DHX30: variants seen among roughly 807,000 people sequenced by gnomAD.
DHX30 encodes the protein ATP-dependent RNA helicase DHX30.
DHX30 carries 4 observed loss-of-function variants against 116.9 expected under a neutral mutation model. That is an observed-to-expected ratio of 0.03 (90% CI 0.02 to 0.08). The LOEUF is 0.08. DHX30 is among the 10% of genes least tolerant of loss of function. The pLI is 1.00. For synonymous variants in DHX30, 697 were observed against 651.7 expected, an observed-to-expected ratio of 1.07 and a Z score of -1.06; for missense variants, 871 against 1,595.1, an observed-to-expected ratio of 0.55 and a Z score of 7.73.
At position 47,829,316 on chromosome 3, in the gene DHX30, T is replaced by A. The variant is rs9311412; in HGVS notation, c.366+182T>A. On this transcript the variant is annotated intron_variant, in intron 6 of 21. Coordinates refer to ENST00000445061, the MANE Select transcript of DHX30 (RefSeq NM_138615.3). ...TATATATATATATATATATATATAT[T>A]TTTTTTTTTTTTTTCCTGTGTTTTT... 6.4e-3 allele frequency among the ~76,000 whole-genome samples: 214 copies of A among 33,206 alleles called. 1 individual carries two copies. Among genetic ancestry groups the A allele is most frequent in the Middle Eastern group, 0.029 (2 of 68 alleles). The allele number at this position is 33,206 out of a possible 152,430, so 21.8% of individuals were successfully genotyped here.
chr3:47,847,487 C>A lies in DHX30; in HGVS notation c.2061C>A (p.Arg687=), dbSNP rs1475767021. The change falls in exon 13 of 22, where the codon CGC becomes CGA. Residue 687 remains arginine (R), a synonymous_variant. Coordinates refer to ENST00000445061, the MANE Select transcript of DHX30 (RefSeq NM_138615.3). The surrounding 1 kb of genome is among the most constrained non-coding windows in gnomAD (Gnocchi z 5.5). ...GWQEIKGVQQ[R]LQEALGMHES... is the part of the protein sequence containing the mutation. ...AGGAGATCAAAGGAGTGCAGCAGCG[C>A]CTCCAGGAGGCCCTGGGCATGCACG... 1 of 1,613,150 alleles carries A rather than the reference C, an allele frequency of 6.2e-7. No homozygotes were observed. The highest frequency in any genetic ancestry group is 8.5e-7 in the Non-Finnish European group (1 of 1,179,428).
At chr3:47,827,225 G>A (rs1047514496) in intron 4 of DHX30, 122 bp from the exon 5 acceptor site, 1 of 920,012 alleles carries the variant, frequency 1.1e-6, no homozygotes, top group Non-Finnish European at 1.6e-6. Flanking sequence ...AGATGCTCCT[G>A]GGTGGTTTGG....
Position 47,841,658 on chromosome 3 carries a change from G to C in DHX30, c.710G>C (p.Arg237Thr). The C allele has an allele frequency of 6.2e-7, 1 of 1,614,240 alleles. No homozygotes were observed. The highest frequency in any genetic ancestry group is 1.1e-5 in the South Asian group (1 of 91,086). ...FEMTDDDSAI[R>T]ALTQFPLPKN... Reference sequence around the variant, plus strand: ...ATGACAGATGACGACAGTGCCATTAGGGCTCTGACCCAGTTTCCACTTCCC... The same window carrying C: ...ATGACAGATGACGACAGTGCCATTACGGCTCTGACCCAGTTTCCACTTCCC... Residue 237 changes from arginine (R) to threonine (T), a missense_variant, in exon 8 of 22, where the codon AGG (arginine) becomes ACG (threonine). This residue lies in a region of DHX30 where 175 missense variants were observed against 292.9 expected (regional missense o/e 0.60). Coordinates refer to ENST00000445061, the MANE Select transcript of DHX30 (RefSeq NM_138615.3).
intron 6 of DHX30, among the ~76,000 whole-genome samples, chr3:47,839,950 C>CA (rs1017553734): frequency 2.4e-4 from 37 of 152,102 alleles, no homozygotes; most frequent in African/African-American, 8.7e-4. Flanking sequence ...TCTGGGATTA[C>CA]AGGTGTGAGC....
intron 5 of DHX30, 146 bp downstream of exon 5, chr3:47,827,623 G>C (rs1427703232): frequency 8.5e-7 from 1 of 1,172,968 alleles, no homozygotes; most frequent in East Asian, 2.7e-5. Flanking sequence ...AGCAAAGCTA[G>C]GTTTGAAGAA....
intron 6 of DHX30, among the ~76,000 whole-genome samples, 153 bp downstream of exon 6, chr3:47,829,287 G>GATAGATATAT (rs1220180931): frequency 2.8e-5 from 1 of 35,848 alleles, no homozygotes; most frequent in East Asian, 8.2e-4. Flanking sequence ...CAGCCAATGA[G>GATAGATATAT]ATATATATAT....
chr3:47,822,282 A>G (rs1346687627), intron 4 of DHX30: 1 of 152,350 alleles, frequency 6.6e-6, no homozygotes, highest in African/African-American at 2.4e-5. Context: ...GTTAGAACCC[A>G]GTTGAAATAA....
intron 6 of DHX30, among the ~76,000 whole-genome samples, chr3:47,839,964 T>A (rs968922003): frequency 6.6e-6 from 1 of 151,064 alleles, no homozygotes; most frequent in Admixed American, 6.6e-5. Flanking sequence ...TGTGAGCCAC[T>A]GTGCCCGTCT....
At chr3:47,821,616 T>C (rs2036304561) in intron 4 of DHX30, among the ~76,000 whole-genome samples, 1 of 151,584 alleles carries the variant, frequency 6.6e-6, no homozygotes, top group African/African-American at 2.4e-5. Context: ...ATTGATTGAT[T>C]GAGATGGAGT....
chr3:47,840,082 C>T (rs987613047), intron 6 of DHX30, among the ~76,000 whole-genome samples: 2 of 148,784 alleles, frequency 1.3e-5, no homozygotes, highest in African/African-American at 5.0e-5. Context: ...CTGCAAGCTC[C>T]GCCTCCCAGG....
intron 4 of DHX30, chr3:47,824,764 C>G: frequency 2.7e-6 from 1 of 374,174 alleles, no homozygotes; most frequent in South Asian, 1.0e-4. Context: ...TTCCCCCCAA[C>G]AGCCTCATTC....
At chr3:47,835,085 C>T (rs903016397) in intron 6 of DHX30, among the ~76,000 whole-genome samples, 16 of 151,960 alleles carry the variant, frequency 1.1e-4, no homozygotes, top group African/African-American at 3.4e-4. Context: ...CTTACTGCAG[C>T]CTCTGCCTCC....
At chr3:47,825,350 C>A in intron 4 of DHX30, 1 of 538,264 alleles carries the variant, frequency 1.9e-6, no homozygotes, top group South Asian at 2.3e-5. Flanking sequence ...CGGGGGTCCT[C>A]TCTTCCATAG....
rs1198327521 is a variant in DHX30, at chr3:47,818,098, A to C, written c.105A>C (p.Pro35=). The C allele has an allele frequency of 6.4e-6, 5 of 780,772 alleles. No individual in the cohort carries two copies. Among genetic ancestry groups the C allele is most frequent in the African/African-American group, 1.7e-5 (1 of 59,110 alleles). 48.4% of individuals were successfully genotyped at this position (780,772 alleles called of 1,614,324 possible). The change falls in exon 4 of 22, where the codon CCA becomes CCC. Residue 35 remains proline (P), a synonymous_variant. Transcript: ENST00000445061. ...RLPPMCVNPT[P]GGTISRASRD... ...CACCCATGTGTGTCAACCCTACCCC[A>C]GGAGGGACCATCTCTCGAGGTAAGG...
rs1275595199 is a variant in DHX30, at chr3:47,847,957, G to GT, written c.2286+2dup. ...AGAACGCTATGACCTGAAGACCAAGGTGGCACCTACCTCCTGGGCCCGGCC... is the reference window on the plus strand; with the variant it reads ...AGAACGCTATGACCTGAAGACCAAGGTTGGCACCTACCTCCTGGGCCCGGCC... On this transcript the variant is annotated splice_donor_variant, in intron 14 of 21. Coordinates refer to ENST00000445061, the MANE Select transcript of DHX30 (RefSeq NM_138615.3). LOFTEE classifies it high-confidence loss of function. The surrounding 1 kb of genome is among the most constrained non-coding windows in gnomAD (Gnocchi z 5.5). 9.9e-6 allele frequency: 16 copies of GT among 1,612,716 alleles called. No individual in the cohort carries two copies. The highest frequency in any genetic ancestry group is 1.3e-5 in the Non-Finnish European group (15 of 1,178,738).
At chr3:47,814,845 G>A (rs924910149) in intron 3 of DHX30, among the ~76,000 whole-genome samples, 1 of 150,284 alleles carries the variant, frequency 6.7e-6, no homozygotes, top group African/African-American at 2.5e-5. Context: ...GTTTTGTTTT[G>A]TTTTGTTCTG....
chr3:47,814,429 CAA>C (rs71625837), intron 3 of DHX30, among the ~76,000 whole-genome samples: 102 of 92,648 alleles, frequency 1.1e-3, no homozygotes, highest in East Asian at 6.7e-3. Context: ...TGTCTCAAAA[CAA>C]AAAAAAAAAA....
chr3:47,847,967 C>T lies in DHX30; in HGVS notation c.2286+11C>T, dbSNP rs750694566. On this transcript the variant is annotated intron_variant, in intron 14 of 21. Coordinates refer to ENST00000445061, the MANE Select transcript of DHX30 (RefSeq NM_138615.3). This position sits in a 1 kb window ranked among gnomAD's most constrained non-coding sequence, Gnocchi z 5.5. ...GACCTGAAGACCAAGGTGGCACCTA[C>T]CTCCTGGGCCCGGCCAACCACTGGG... The T allele has an allele frequency of 6.2e-6, 10 of 1,611,384 alleles. No homozygotes were observed. The East Asian group carries it at 1.8e-4, about 29-fold the overall frequency.
In DHX30 at chr3:47,841,171, G is replaced by T. The variant is rs1157631971; in HGVS notation, c.661G>T (p.Asp221Tyr). The T allele has an allele frequency of 4.8e-5, 78 of 1,613,504 alleles. No homozygotes were observed. The highest frequency in any genetic ancestry group is 6.4e-5 in the Non-Finnish European group (76 of 1,179,984). The change falls in exon 7 of 22, where the codon GAC (aspartate) becomes TAC (tyrosine). Residue 221 changes from aspartate to tyrosine, a missense_variant. Asp to Tyr is a radical substitution (Grantham distance 160). Around this residue, in one of 13 missense-constraint regions of DHX30, gnomAD observed 109 missense variants for 118.8 expected, o/e 0.92. Coordinates refer to ENST00000445061, the MANE Select transcript of DHX30 (RefSeq NM_138615.3). Reference protein sequence around the residue: ...TQQDSHAPLRDSRGSSFEMTD... With the variant: ...TQQDSHAPLRYSRGSSFEMTD... ...GCAGGATTCCCACGCTCCACTCAGG[G>T]ACTCAAGGTACAGATGGAGGATGGG...
Sources: gnomAD v4.1 joint callset for allele counts (sites outside exome capture counted in the v4.1 genomes callset) on GRCh38, gnomAD v4.1.1 for gene constraint, gnomAD v4.1.1 regional missense constraint, Gnocchi (gnomAD v3.1) non-coding constraint, MANE v1.5 for transcripts, NCBI Gene and HGNC (gene_info 2026-07-23, HGNC 2026-07-21) for gene names.